SCFD2: variants seen among roughly 807,000 people sequenced by gnomAD.
SCFD2 encodes the protein sec1 family domain-containing protein 2.
SCFD2 carries 54 observed loss-of-function variants against 58.9 expected under a neutral mutation model. The ratio of observed to expected loss-of-function variants is 0.92; its 90% CI spans 0.74 to 1.15. The LOEUF is 1.15. SCFD2 is among the 50% of genes most tolerant of loss of function. The pLI is 0.00. For missense variants in SCFD2, 805 were observed against 836.6 expected (o/e 0.96, Z 0.47); for synonymous variants, 321 against 335.9 (o/e 0.96, Z 0.49).
chr4:52,902,437 T>C (rs563585490), intron 7 of SCFD2, among the ~76,000 whole-genome samples: 1 of 152,194 alleles, frequency 6.6e-6, no homozygotes, highest in Admixed American at 6.5e-5. Flanking sequence ...TAGTGAAATA[T>C]GAAATGTTTG....
intron 2 of SCFD2, among the ~76,000 whole-genome samples, chr4:53,316,766 A>G (rs760726370): frequency 5.3e-5 from 8 of 152,154 alleles, no homozygotes; most frequent in Non-Finnish European, 1.2e-4. Flanking sequence ...ATGATCTCTA[A>G]CAGTGATACA....
chr4:53,258,577 T>TATATATATATACAC (rs757658747), intron 4 of SCFD2, among the ~76,000 whole-genome samples: 3 of 121,374 alleles, frequency 2.5e-5, no homozygotes, highest in African/African-American at 9.5e-5. Flanking sequence ...TATATATATA[T>TATATATATATACAC]ACACACACAT....
At chr4:52,953,628 G>A (rs552919596) in intron 5 of SCFD2, among the ~76,000 whole-genome samples, 16 of 152,330 alleles carry the variant, frequency 1.1e-4, no homozygotes, top group African/African-American at 3.8e-4. Context: ...TGAATGAGAA[G>A]ATGAACCTGA....
At chr4:53,015,749 A>T (rs540540841) in intron 5 of SCFD2, among the ~76,000 whole-genome samples, 401 of 152,270 alleles carry the variant, frequency 2.6e-3, no homozygotes, top group Non-Finnish European at 4.6e-3. Flanking sequence ...AAGTTTGGGG[A>T]GAAGAGAAAT....
At chr4:53,172,137 G>T (rs1475334945) in intron 4 of SCFD2, among the ~76,000 whole-genome samples, 1 of 151,868 alleles carries the variant, frequency 6.6e-6, no homozygotes, top group Middle Eastern at 3.2e-3. Context: ...CTCCCATGTA[G>T]CTGGGACTAC....
chr4:53,012,836 G>GTGT (rs1553914338), intron 5 of SCFD2, among the ~76,000 whole-genome samples: 24 of 145,112 alleles, frequency 1.7e-4, no homozygotes, highest in East Asian at 4.0e-4. Flanking sequence ...GTGTGTGTGT[G>GTGT]TTTTTTTTTA....
At chr4:53,244,935 A>G (rs1008051260) in intron 4 of SCFD2, among the ~76,000 whole-genome samples, 1 of 150,908 alleles carries the variant, frequency 6.6e-6, no homozygotes, top group African/African-American at 2.4e-5. Context: ...ATTACCACTC[A>G]CCCCACAGAA....
intron 3 of SCFD2, among the ~76,000 whole-genome samples, chr4:53,293,441 C>A (rs549521370): frequency 1.6e-4 from 25 of 152,162 alleles, no homozygotes; most frequent in Non-Finnish European, 3.5e-4. Flanking sequence ...TGCATTCCTG[C>A]AAATGTACCC....
chr4:53,265,658 TATTGTTATAACTATAACAATTAC>T (rs1560419984), intron 4 of SCFD2: 1 of 152,202 alleles, frequency 6.6e-6, no homozygotes, highest in South Asian at 2.1e-4. Context: ...AAGCACTAGT[TATTGTTATAACTATAACAATTAC>T]ATTGTTATAG....
intron 4 of SCFD2, among the ~76,000 whole-genome samples, chr4:53,162,120 C>T (rs112754958): frequency 6.6e-6 from 1 of 152,190 alleles, no homozygotes; most frequent in African/African-American, 2.4e-5. Flanking sequence ...ACAGAATGTA[C>T]ACATTATCTA....
intron 2 of SCFD2, among the ~76,000 whole-genome samples, chr4:53,318,218 G>A (rs1732921794): frequency 6.6e-6 from 1 of 152,048 alleles, no homozygotes; most frequent in Non-Finnish European, 1.5e-5. Context: ...CTTCAAAACA[G>A]ACAGCTATAG....
chr4:53,342,696 A>G (rs541749295), intron 2 of SCFD2, among the ~76,000 whole-genome samples: 21 of 152,348 alleles, frequency 1.4e-4, no homozygotes, highest in African/African-American at 4.8e-4. Context: ...AAAATTGACC[A>G]CAAAGTTGGA....
At chr4:52,998,638 A>ACTC (rs1426949709) in intron 5 of SCFD2, among the ~76,000 whole-genome samples, 3 of 152,060 alleles carry the variant, frequency 2.0e-5, no homozygotes, top group African/African-American at 4.8e-5. Context: ...GTCAGGAGGA[A>ACTC]CTCCTTCCTG....
chr4:53,202,153 T>G (rs1267828876), intron 4 of SCFD2, among the ~76,000 whole-genome samples: 1 of 152,080 alleles, frequency 6.6e-6, no homozygotes, highest in Admixed American at 6.5e-5. Flanking sequence ...GTTTTTATGG[T>G]TTTAGGTCTA....
chr4:52,879,262 A>G (rs1261236034), intron 8 of SCFD2, among the ~76,000 whole-genome samples: 1 of 152,192 alleles, frequency 6.6e-6, no homozygotes, highest in East Asian at 1.9e-4. Context: ...TACCCACCAG[A>G]ATACCTTCCA....
intron 7 of SCFD2, among the ~76,000 whole-genome samples, chr4:52,903,018 C>G (rs1205043986): frequency 6.6e-6 from 1 of 152,176 alleles, no homozygotes. Context: ...TAGGAAAGAG[C>G]CTCAAATCTC....
chr4:53,277,200 T>C (rs1731353669), intron 3 of SCFD2, among the ~76,000 whole-genome samples: 1 of 152,202 alleles, frequency 6.6e-6, no homozygotes, highest in South Asian at 2.1e-4. Context: ...ATCTCCTAAT[T>C]AATTCAGCCT....
chr4:53,272,661 T>C (rs1225065060), intron 4 of SCFD2, among the ~76,000 whole-genome samples: 1 of 122,568 alleles, frequency 8.2e-6, no homozygotes. Flanking sequence ...TGAGAATACA[T>C]GGACACAGGA....
intron 4 of SCFD2, among the ~76,000 whole-genome samples, chr4:53,253,059 C>A (rs1560413249): frequency 6.6e-6 from 1 of 152,086 alleles, no homozygotes; most frequent in Non-Finnish European, 1.5e-5. Flanking sequence ...ACAAACAACC[C>A]CACCAAAAAG....
Sources: allele counts gnomAD v4.1 joint callset (sites outside exome capture counted in the v4.1 genomes callset), GRCh38; gene constraint gnomAD v4.1.1; transcripts MANE v1.5; gene names NCBI Gene and HGNC (gene_info 2026-07-23, HGNC 2026-07-21).